The following PTPRT variants were observed in gnomAD, a reference collection of about 807,000 sequenced individuals.
PTPRT encodes the protein receptor-type tyrosine-protein phosphatase T.
In PTPRT, 56 loss-of-function variants were observed where a neutral mutation model predicts 176.8. That is an observed-to-expected ratio of 0.32 (90% CI 0.26 to 0.40). PTPRT has a LOEUF of 0.40. Ranked by LOEUF, PTPRT falls within the 10% of genes least tolerant of loss-of-function variation. The pLI, the probability that PTPRT is intolerant of heterozygous loss-of-function variation, is 1.00. For synonymous variants in PTPRT, 783 were observed against 739.0 expected, an observed-to-expected ratio of 1.06 and a Z score of -0.96; for missense variants, 1,540 against 1,908.2, an observed-to-expected ratio of 0.81 and a Z score of 3.60.
At chr20:42,052,646 C>G in the PTPRT span, among the ~76,000 whole-genome samples, 15 of 152,278 alleles carry the variant, frequency 9.9e-5, no homozygotes, top group Admixed American at 5.2e-4. Flanking sequence ...GGGTTGAGAA[C>G]AGGAGCTTGG....
At chr20:42,624,005 C>CAAAAAAAAAAAAAAAAAAAAAAAA (rs1159094345) in intron 7 of PTPRT, among the ~76,000 whole-genome samples, 73 of 135,590 alleles carry the variant, frequency 5.4e-4, no homozygotes, top group Middle Eastern at 3.6e-3. Flanking sequence ...AAAACAATAG[C>CAAAAAAAAAAAAAAAAAAAAAAAA]AACAAACAAA....
intron 2 of PTPRT, among the ~76,000 whole-genome samples, chr20:42,845,902 G>C (rs906556808): frequency 6.6e-6 from 1 of 152,174 alleles, no homozygotes; most frequent in Non-Finnish European, 1.5e-5. Context: ...TGCCCTCAAA[G>C]AACAGACAAA....
chr20:42,164,114 A>G (rs917241417), intron 16 of PTPRT, among the ~76,000 whole-genome samples: 2 of 152,206 alleles, frequency 1.3e-5, no homozygotes, highest in African/African-American at 2.4e-5. Context: ...AGCTGAGTCA[A>G]TGCTAGGAGG....
chr20:43,021,172 G>C (rs1294242745), intron 1 of PTPRT, among the ~76,000 whole-genome samples: 1 of 152,128 alleles, frequency 6.6e-6, no homozygotes, highest in Non-Finnish European at 1.5e-5. Flanking sequence ...CTACTCAAAG[G>C]AGATGATGGT....
rs551057025 is a variant in PTPRT, at chr20:42,206,540, G to A, written c.2343-7152C>T. Among the ~76,000 whole-genome samples the A allele has an allele frequency of 6.1e-4, 93 of 152,296 alleles. 1 individual carries two copies. The highest frequency in any genetic ancestry group is 1.9e-3 in the African/African-American group (81 of 41,580). On this transcript the variant is annotated intron_variant, in intron 15 of 30. Transcript: ENST00000373187. Reference sequence around the variant, plus strand: ...GGTGACGGACGGCACCTGGAAAATCGGGTCACTCCCACCCGAATACTGCGC... The same window carrying A: ...GGTGACGGACGGCACCTGGAAAATCAGGTCACTCCCACCCGAATACTGCGC...
chr20:42,937,288 T>C (rs1980247355), intron 1 of PTPRT, among the ~76,000 whole-genome samples: 1 of 152,210 alleles, frequency 6.6e-6, no homozygotes, highest in Non-Finnish European at 1.5e-5. Flanking sequence ...TCATAGGATC[T>C]CTAGCAGTCA....
intron 2 of PTPRT, among the ~76,000 whole-genome samples, chr20:42,811,075 C>A (rs2077690851): frequency 6.6e-6 from 1 of 152,098 alleles, no homozygotes; most frequent in South Asian, 2.1e-4. Context: ...CTGTGAACAT[C>A]TTAACATATT....
chr20:42,596,905 G>C (rs1273401513), intron 7 of PTPRT, among the ~76,000 whole-genome samples: 1 of 152,132 alleles, frequency 6.6e-6, no homozygotes, highest in Admixed American at 6.6e-5. Flanking sequence ...TTTATCAAAG[G>C]CAATTTTCCT....
At chr20:42,389,318 G>A (rs2058776877) in intron 9 of PTPRT, among the ~76,000 whole-genome samples, 1 of 151,894 alleles carries the variant, frequency 6.6e-6, no homozygotes, top group South Asian at 2.1e-4. Context: ...GATTCTCAAG[G>A]TAAATTAGGT....
intron 1 of PTPRT, among the ~76,000 whole-genome samples, chr20:42,993,929 G>A (rs1269037351): frequency 1.3e-5 from 2 of 152,126 alleles, no homozygotes; most frequent in African/African-American, 2.4e-5. Context: ...AAGAGAAACT[G>A]TCTGGACACA....
rs367738409 is a variant in PTPRT, at chr20:43,056,670, T to C, written c.88+132976A>G. Among the ~76,000 whole-genome samples the C allele has an allele frequency of 2.2e-4, 33 of 152,214 alleles. 3 individuals are homozygous for C. The highest frequency in any genetic ancestry group is 1.4e-3 in the Admixed American group (21 of 15,292). On this transcript the variant is annotated intron_variant, in intron 1 of 30. Coordinates refer to ENST00000373187, the MANE Select transcript of PTPRT (RefSeq NM_007050.6). The stretch of plus-strand genomic sequence containing the variant: ...ACAAATACCAGGAACAACTTTATAG[T>C]GGAAAAGATCTCAGACACATTGAGC...
chr20:42,098,502 G>T lies in PTPRT; in HGVS notation c.3765C>A (p.Asn1255Lys). ...CCAGCCTCCAGAAGTCTGCCACGGT[G>T]TTGGGTAGAGGGTGCTGGGTGACCA... ...AFVVTQHPLP[N>K]TVADFWRLVF... Residue 1255 changes from asparagine to lysine, a missense_variant, in exon 27 of 31, where the codon AAC becomes AAA. Physicochemically the swap from Asn to Lys is moderately conservative, Grantham distance 94. Coordinates refer to ENST00000373187, the MANE Select transcript of PTPRT (RefSeq NM_007050.6). 1 of 1,614,220 alleles carries T rather than the reference G, an allele frequency of 6.2e-7. No individual in the cohort carries two copies.
intron 13 of PTPRT, among the ~76,000 whole-genome samples, chr20:42,253,265 G>A (rs1350478886): frequency 6.6e-6 from 1 of 152,178 alleles, no homozygotes; most frequent in Non-Finnish European, 1.5e-5. Context: ...GGCTACTGAT[G>A]GGGCCATTGG....
At chr20:42,547,011 T>TA (rs932520662) in intron 7 of PTPRT, among the ~76,000 whole-genome samples, 2 of 151,886 alleles carry the variant, frequency 1.3e-5, no homozygotes, top group African/African-American at 2.4e-5. Context: ...CACATGCTGT[T>TA]AAAAAAAATA....
chr20:42,923,882 C>A (rs1400890679), intron 1 of PTPRT, among the ~76,000 whole-genome samples: 1 of 151,984 alleles, frequency 6.6e-6, no homozygotes, highest in Non-Finnish European at 1.5e-5. Context: ...TGCTCTGTTG[C>A]CCAGCAGGCT....
chr20:42,318,059 C>A (rs1403046170), intron 11 of PTPRT, among the ~76,000 whole-genome samples: 1 of 152,164 alleles, frequency 6.6e-6, no homozygotes, highest in Non-Finnish European at 1.5e-5. Flanking sequence ...ACGTGGCTAA[C>A]CTGAGTGTTT....
At position 43,189,725 on chromosome 20, in the gene PTPRT, G is replaced by A. The variant is rs1398790664; in HGVS notation, c.9C>T (p.Ser3=). 6.4e-6 allele frequency: 8 copies of A among 1,254,234 alleles called. No individual in the cohort carries two copies. In the South Asian group the frequency reaches 1.1e-4, roughly 17 times the overall value. 77.7% of individuals were successfully genotyped at this position (1,254,234 alleles called of 1,614,324 possible). A position where few individuals can be genotyped will look rare whatever the true frequency, so the allele number is the denominator to read the frequency against. Residue 3 remains serine, a synonymous_variant, in exon 1 of 31, where the codon AGC becomes AGT. Transcript: ENST00000373187. The surrounding 1 kb of genome is among the most constrained non-coding windows in gnomAD (Gnocchi z 5.0). MA[S]LAALALSLLL... is the part of the protein sequence containing the mutation. ...GCAGGCTGAGGGCGAGCGCGGCGAG[G>A]CTCGCCATCCGGGCGGCGGCGGGCA... is the stretch of plus-strand genomic sequence containing the variant.
At chr20:42,653,152 C>T (rs1019315043) in intron 7 of PTPRT, among the ~76,000 whole-genome samples, 1 of 152,150 alleles carries the variant, frequency 6.6e-6, no homozygotes. Flanking sequence ...CTGCTGTTCT[C>T]ATGGTAGTGA....
chr20:42,102,642 C>T (rs1018217163), intron 25 of PTPRT, among the ~76,000 whole-genome samples: 2 of 152,104 alleles, frequency 1.3e-5, no homozygotes, highest in African/African-American at 4.8e-5. Flanking sequence ...GCCAGGAGGG[C>T]ATACAGAGGG....
Sources: gnomAD v4.1 joint callset for allele counts (sites outside exome capture counted in the v4.1 genomes callset) on GRCh38, gnomAD v4.1.1 for gene constraint, Gnocchi (gnomAD v3.1) non-coding constraint, MANE v1.5 for transcripts, NCBI Gene and HGNC (gene_info 2026-07-23, HGNC 2026-07-21) for gene names.